Variants in RALGPS1 observed in about 807,000 individuals in gnomAD.
RALGPS1 encodes the protein ras-specific guanine nucleotide-releasing factor RalGPS1.
In RALGPS1, 19 loss-of-function variants were observed where a neutral mutation model predicts 78.8. That is an observed-to-expected ratio of 0.24 (90% CI 0.17 to 0.35). The LOEUF is 0.35. RALGPS1 is among the 10% of genes least tolerant of loss of function. The pLI, the probability that RALGPS1 is intolerant of heterozygous loss-of-function variation, is 1.00. For missense variants in RALGPS1, 454 were observed against 688.3 expected (o/e 0.66, Z 3.81); for synonymous variants, 228 against 256.3 (o/e 0.89, Z 1.06).
At chr9:127,021,344 A>T (rs958744677) in intron 4 of RALGPS1, among the ~76,000 whole-genome samples, 2 of 152,126 alleles carry the variant, frequency 1.3e-5, no homozygotes, top group African/African-American at 4.8e-5. Flanking sequence ...TCTACTAAAA[A>T]TACAAAAACT....
chr9:126,962,602 CCATTTTGGTGGCAAG>C (rs2039006212), intron 2 of RALGPS1, among the ~76,000 whole-genome samples: 1 of 152,242 alleles, frequency 6.6e-6, no homozygotes, highest in Non-Finnish European at 1.5e-5. Context: ...GTGCCACATT[CCATTTTGGTGGCAAG>C]AAGGGATCAG....
chr9:127,064,328 A>G (rs536833813), intron 7 of RALGPS1, among the ~76,000 whole-genome samples: 1 of 152,312 alleles, frequency 6.6e-6, no homozygotes, highest in Admixed American at 6.5e-5. Context: ...AGTTCAGATG[A>G]GGTTTGCAGT....
chr9:127,166,054 C>A lies in RALGPS1; in HGVS notation c.611-15C>A, dbSNP rs759536434. On this transcript the variant is annotated splice_polypyrimidine_tract_variant and intron_variant, in intron 8 of 18. Coordinates refer to ENST00000259351, the MANE Select transcript of RALGPS1 (RefSeq NM_014636.3). ...GTAAGCTCCTTCCATCATGAAATAT[C>A]TTCTTTAATTTTAGGAATCTATCTT... 2 of 1,595,664 alleles carry A rather than the reference C, an allele frequency of 1.3e-6. No homozygotes were observed. Among genetic ancestry groups the A allele is most frequent in the South Asian group, 1.1e-5 (1 of 89,070 alleles).
intron 8 of RALGPS1, among the ~76,000 whole-genome samples, chr9:127,160,192 C>T (rs2058941235): frequency 6.6e-6 from 1 of 152,190 alleles, no homozygotes; most frequent in Non-Finnish European, 1.5e-5. Flanking sequence ...TTCAAGCAGG[C>T]TCTGGGCCAT....
At chr9:127,096,286 A>G (rs551622210) in intron 8 of RALGPS1, among the ~76,000 whole-genome samples, 1 of 152,234 alleles carries the variant, frequency 6.6e-6, no homozygotes, top group South Asian at 2.1e-4. Context: ...TCTGTCCCCA[A>G]CAGCTGGAGC....
chr9:127,053,628 G>T (rs975680650), intron 7 of RALGPS1, among the ~76,000 whole-genome samples: 1 of 152,150 alleles, frequency 6.6e-6, no homozygotes, highest in East Asian at 1.9e-4. Context: ...AGCCTTTTAA[G>T]ACCTGTTTAT....
chr9:127,039,217 G>A (rs1382377472), intron 5 of RALGPS1, among the ~76,000 whole-genome samples: 3 of 152,102 alleles, frequency 2.0e-5, no homozygotes, highest in Non-Finnish European at 2.9e-5. Flanking sequence ...GAGGAGAGGA[G>A]GCCACACAGG....
At chr9:127,038,141 A>G (rs2047011716) in intron 5 of RALGPS1, among the ~76,000 whole-genome samples, 1 of 152,206 alleles carries the variant, frequency 6.6e-6, no homozygotes, top group South Asian at 2.1e-4. Context: ...TCCCATGCTC[A>G]TGAGCCTAGT....
At chr9:127,041,031 TTGTGTGTGTG>T (rs58541875) in intron 5 of RALGPS1, among the ~76,000 whole-genome samples, 1 of 135,718 alleles carries the variant, frequency 7.4e-6, no homozygotes, top group South Asian at 2.6e-4. Flanking sequence ...CTACAAACAT[TTGTGTGTGTG>T]TGTGTGTGTG....
At chr9:126,991,397 C>A (rs898339639) in intron 4 of RALGPS1, among the ~76,000 whole-genome samples, 1 of 151,482 alleles carries the variant, frequency 6.6e-6, no homozygotes, top group African/African-American at 2.4e-5. Flanking sequence ...TTTTTTTTTC[C>A]TTCTTGAGCA....
intron 10 of RALGPS1, among the ~76,000 whole-genome samples, chr9:127,169,396 T>C (rs1434860523): frequency 6.6e-6 from 1 of 152,214 alleles, no homozygotes; most frequent in Admixed American, 6.5e-5. Context: ...CTTTCAGTTC[T>C]TTCTTCATTT....
chr9:126,996,733 A>G (rs1339464700), intron 4 of RALGPS1, among the ~76,000 whole-genome samples: 5 of 152,242 alleles, frequency 3.3e-5, no homozygotes, highest in Admixed American at 6.5e-5. Context: ...CAACCAAAAA[A>G]GAGAATTTTA....
Position 127,222,789 on chromosome 9 carries a change from G to A in RALGPS1, c.*4020G>A, listed in dbSNP as rs1215632333. On this transcript the variant is annotated 3_prime_UTR_variant, in exon 19 of 19. Coordinates refer to ENST00000259351, the MANE Select transcript of RALGPS1 (RefSeq NM_014636.3). ...TGGTTTTCCACTTAGCATTCAAAATGTTGCATAGAGAGTAGTTTTCAATTT... is the reference window on the plus strand; with the variant it reads ...TGGTTTTCCACTTAGCATTCAAAATATTGCATAGAGAGTAGTTTTCAATTT... The A allele has an allele frequency of 6.6e-6, 1 of 152,668 alleles. No homozygotes were observed. The allele number at this position is 152,668 out of a possible 1,614,324, so 9.5% of individuals were successfully genotyped here. A position where few individuals can be genotyped will look rare whatever the true frequency, so the allele number is the denominator to read the frequency against.
intron 8 of RALGPS1, among the ~76,000 whole-genome samples, chr9:127,085,758 C>A (rs2051653473): frequency 6.6e-6 from 1 of 152,158 alleles, no homozygotes; most frequent in African/African-American, 2.4e-5. Flanking sequence ...GTTTTGGAGC[C>A]AAGACCAGTG....
chr9:126,958,341 T>C (rs1442017552), intron 1 of RALGPS1, among the ~76,000 whole-genome samples: 2 of 152,024 alleles, frequency 1.3e-5, no homozygotes, highest in African/African-American at 4.8e-5. Flanking sequence ...GTATGATTTT[T>C]AGGGAATTTT....
At chr9:127,104,231 TC>T (rs1193660361) in intron 8 of RALGPS1, among the ~76,000 whole-genome samples, 7 of 152,208 alleles carry the variant, frequency 4.6e-5, no homozygotes, top group African/African-American at 1.7e-4. Context: ...AAGATTAGTT[TC>T]TGACAAAGCC....
At chr9:126,989,946 C>G in intron 4 of RALGPS1, 2 of 1,550,544 alleles carry the variant, frequency 1.3e-6, no homozygotes, top group South Asian at 2.4e-5. Context: ...CAGTTTCCTC[C>G]AGGCCACATG....
chr9:127,172,624 T>C (rs917653379), intron 10 of RALGPS1, among the ~76,000 whole-genome samples: 2 of 152,272 alleles, frequency 1.3e-5, no homozygotes, highest in African/African-American at 2.4e-5. Context: ...ATCTTGTTCA[T>C]CAGCTGTAAC....
chr9:126,994,454 A>G, intron 4 of RALGPS1, among the ~76,000 whole-genome samples: 1 of 152,226 alleles, frequency 6.6e-6, no homozygotes, highest in Non-Finnish European at 1.5e-5. Flanking sequence ...AATGAATGAA[A>G]TGAAGCAAGA....
Sources: allele counts gnomAD v4.1 joint callset (sites outside exome capture counted in the v4.1 genomes callset), GRCh38; gene constraint gnomAD v4.1.1; transcripts MANE v1.5; gene names NCBI Gene and HGNC (gene_info 2026-07-23, HGNC 2026-07-21).